The following VPS13B variants were observed in gnomAD, a reference collection of about 807,000 sequenced individuals.
The protein encoded by VPS13B is vacuolar protein sorting 13 homolog B.
Under a neutral mutation model 426.4 loss-of-function variants are expected in VPS13B, and 285 were observed. That is an observed-to-expected ratio of 0.67 (90% CI 0.61 to 0.74). The LOEUF is 0.74. Ranked by LOEUF, VPS13B falls within the 30% of genes least tolerant of loss-of-function variation. VPS13B has a pLI of 0.00. For missense variants in VPS13B, 4,537 were observed against 4,782.6 expected (o/e 0.95, Z 1.51); for synonymous variants, 1,676 against 1,676.4 (o/e 1.00, Z 0.01).
chr8:99,223,809 G>A (rs749552542), intron 17 of VPS13B, among the ~76,000 whole-genome samples: 1 of 151,992 alleles, frequency 6.6e-6, no homozygotes, highest in East Asian at 1.9e-4. Context: ...ATATTAAAGG[G>A]AACATTATTG....
chr8:99,577,885 A>G (rs544265840), intron 33 of VPS13B: 7 of 470,752 alleles, frequency 1.5e-5, no homozygotes, highest in African/African-American at 1.4e-4. Context: ...TCTGTTATAT[A>G]CATAACTTTA....
chr8:99,776,374 T>A (rs773857803), intron 40 of VPS13B, among the ~76,000 whole-genome samples: 150 of 152,332 alleles, frequency 9.8e-4, no homozygotes, highest in Non-Finnish European at 1.5e-3. Flanking sequence ...TGGAATGCAG[T>A]GCACGACAGC....
At chr8:99,520,327 A>G (rs937596302) in intron 29 of VPS13B, among the ~76,000 whole-genome samples, 1 of 151,772 alleles carries the variant, frequency 6.6e-6, no homozygotes, top group African/African-American at 2.4e-5. Context: ...TCCATCTTCA[A>G]CATTGCAGCC....
At chr8:99,799,810 A>G (rs891482385) in intron 43 of VPS13B, among the ~76,000 whole-genome samples, 1 of 152,158 alleles carries the variant, frequency 6.6e-6, no homozygotes, top group African/African-American at 2.4e-5. Flanking sequence ...TTTTATTCAA[A>G]CTTTAGGTAG....
intron 16 of VPS13B, among the ~76,000 whole-genome samples, chr8:99,181,523 T>C (rs1812945813): frequency 6.6e-6 from 1 of 152,226 alleles, no homozygotes; most frequent in Admixed American, 6.5e-5. Flanking sequence ...TCCTCATTTG[T>C]AAAAGGGGCA....
chr8:99,721,617 T>C (rs1332180182), intron 39 of VPS13B, among the ~76,000 whole-genome samples: 1 of 152,228 alleles, frequency 6.6e-6, no homozygotes, highest in Non-Finnish European at 1.5e-5. Context: ...ATCTTTGTAC[T>C]TACTAATGTT....
At chr8:99,870,710 C>A in intron 59 of VPS13B, 75 bp from the exon 60 acceptor site, 1 of 1,365,308 alleles carries the variant, frequency 7.3e-7, no homozygotes, top group Non-Finnish European at 1.0e-6. Flanking sequence ...TGGCTCTGAA[C>A]AGATGACATC....
rs1221377279 is a variant in VPS13B at position 99,565,020 on chromosome 8, A to G, written c.4949+8367A>G. On this transcript the variant is annotated intron_variant, in intron 31 of 61. Transcript: ENST00000357162. ...CTGCCATGTGCAGTTTGCACATTCA[A>G]GTGACTTGCTGCTTTATATGGATAC... Among the ~76,000 whole-genome samples, 5 of 152,324 alleles carry G rather than the reference A, an allele frequency of 3.3e-5. No homozygotes were observed. In the South Asian group the frequency reaches 8.3e-4, roughly 25 times the overall value.
chr8:99,260,592 A>G (rs1416627267), intron 17 of VPS13B, among the ~76,000 whole-genome samples: 1 of 152,080 alleles, frequency 6.6e-6, no homozygotes, highest in Non-Finnish European at 1.5e-5. Flanking sequence ...GCATTGTATT[A>G]ACCTATTTGC....
chr8:99,682,745 C>T (rs553953423), intron 35 of VPS13B, among the ~76,000 whole-genome samples: 11 of 152,294 alleles, frequency 7.2e-5, no homozygotes, highest in African/African-American at 2.6e-4. Flanking sequence ...TAACCCCTGC[C>T]TGGCTATCCG....
At chr8:99,739,936 C>T (rs1809607937) in intron 39 of VPS13B, among the ~76,000 whole-genome samples, 1 of 152,204 alleles carries the variant, frequency 6.6e-6, no homozygotes, top group South Asian at 2.1e-4. Flanking sequence ...CAAAGGAACG[C>T]AGCTCCTCAC....
intron 17 of VPS13B, among the ~76,000 whole-genome samples, chr8:99,206,429 C>A (rs1038022273): frequency 1.3e-5 from 2 of 152,118 alleles, no homozygotes; most frequent in Non-Finnish European, 2.9e-5. Flanking sequence ...AAATGAAATT[C>A]AATAATACAG....
At chr8:99,429,266 A>T (rs899980664) in intron 21 of VPS13B, among the ~76,000 whole-genome samples, 75 of 151,538 alleles carry the variant, frequency 4.9e-4, no homozygotes, top group Non-Finnish European at 8.1e-4. Flanking sequence ...TGTACCCTAA[A>T]ACTTAAAGTA....
chr8:99,760,759 C>A (rs909906049), intron 39 of VPS13B, among the ~76,000 whole-genome samples: 1 of 152,128 alleles, frequency 6.6e-6, no homozygotes, highest in Non-Finnish European at 1.5e-5. Flanking sequence ...AACCACCAAT[C>A]AAAAATATTC....
At chr8:99,820,417 T>C (rs1035113864) in intron 49 of VPS13B, among the ~76,000 whole-genome samples, 1 of 152,182 alleles carries the variant, frequency 6.6e-6, no homozygotes, top group Non-Finnish European at 1.5e-5. Flanking sequence ...GCTCTATCAG[T>C]ACATATTAAG....
At chr8:99,112,043 C>T (rs982410342) in intron 6 of VPS13B, among the ~76,000 whole-genome samples, 8 of 152,112 alleles carry the variant, frequency 5.3e-5, no homozygotes, top group African/African-American at 1.9e-4. Flanking sequence ...TAAGTGAGAA[C>T]AGGACATGTC....
intron 58 of VPS13B, among the ~76,000 whole-genome samples, chr8:99,862,790 A>G (rs1190911096): frequency 2.6e-5 from 4 of 152,190 alleles, no homozygotes. Flanking sequence ...TAGATTGGCA[A>G]CTGCAGCTAG....
chr8:99,579,458 T>C (rs1428446743), intron 33 of VPS13B, among the ~76,000 whole-genome samples: 1 of 152,090 alleles, frequency 6.6e-6, no homozygotes, highest in Non-Finnish European at 1.5e-5. Context: ...AGTGCAGTAG[T>C]GCGATCTCAG....
At chr8:99,154,746 C>T (rs1054150050) in intron 14 of VPS13B, among the ~76,000 whole-genome samples, 2 of 152,122 alleles carry the variant, frequency 1.3e-5, no homozygotes, top group African/African-American at 2.4e-5. Flanking sequence ...ATAGATTAGT[C>T]TGAGCAATCC....
Sources: allele counts gnomAD v4.1 joint callset (sites outside exome capture counted in the v4.1 genomes callset), GRCh38; gene constraint gnomAD v4.1.1; transcripts MANE v1.5; gene names NCBI Gene and HGNC (gene_info 2026-07-23, HGNC 2026-07-21).